The following PIEZO2 variants were observed in gnomAD, a reference collection of about 807,000 sequenced individuals.
PIEZO2 encodes the protein piezo type mechanosensitive ion channel component 2.
Under a neutral mutation model 337.3 loss-of-function variants are expected in PIEZO2, and 172 were observed. The observed-to-expected ratio is 0.51, with a 90% confidence interval of 0.45 to 0.58. PIEZO2 has a LOEUF of 0.58. Ranked by LOEUF, PIEZO2 falls within the 20% of genes least tolerant of loss-of-function variation. The pLI, the probability that PIEZO2 is intolerant of heterozygous loss-of-function variation, is 0.00. For missense variants in PIEZO2, 3,028 were observed against 3,391.3 expected, an observed-to-expected ratio of 0.89 and a Z score of 2.66; for synonymous variants, 1,251 against 1,228.5, an observed-to-expected ratio of 1.02 and a Z score of -0.38.
intron 4 of PIEZO2, among the ~76,000 whole-genome samples, chr18:10,884,158 A>G (rs938064023): frequency 1.3e-5 from 2 of 152,100 alleles, no homozygotes; most frequent in Admixed American, 6.6e-5. Flanking sequence ...AATCGTGATG[A>G]TGTGATATTT....
chr18:10,817,131 T>C (rs1257102852), intron 7 of PIEZO2, among the ~76,000 whole-genome samples: 1 of 152,172 alleles, frequency 6.6e-6, no homozygotes, highest in African/African-American at 2.4e-5. Flanking sequence ...AAGCATTGAG[T>C]TAAAGTCAGT....
intron 2 of PIEZO2, among the ~76,000 whole-genome samples, chr18:11,037,660 C>G (rs1355780392): frequency 6.6e-6 from 1 of 152,166 alleles, no homozygotes; most frequent in Non-Finnish European, 1.5e-5. Context: ...AGCACTCTCC[C>G]TGTTTCCAGC....
chr18:10,715,696 G>A lies in PIEZO2; in HGVS notation c.5210C>T (p.Thr1737Ile), dbSNP rs1445599440. 3 of 1,536,816 alleles carry A rather than the reference G, an allele frequency of 2.0e-6. No individual in the cohort carries two copies. The highest frequency in any genetic ancestry group is 1.7e-6 in the Non-Finnish European group (2 of 1,146,684). The change falls in exon 38 of 56, where the codon ACA becomes ATA. Residue 1737 changes from threonine (T) to isoleucine (I), a missense_variant. Transcript: ENST00000674853. ...CATGCATCGTTCAATTCTCAGAACT[G>A]TAGATATATCAATATGCTCCCTTGA... ...SISREHIDIS[T>I]VLRIERCMLT... is the part of the protein sequence containing the mutation.
intron 4 of PIEZO2, among the ~76,000 whole-genome samples, chr18:10,880,972 G>A (rs577411775): frequency 6.8e-6 from 1 of 146,652 alleles, no homozygotes; most frequent in Admixed American, 6.9e-5. Flanking sequence ...TGTGTGGCAA[G>A]ACTAATATAT....
At chr18:10,687,323 T>C (rs955148768) in intron 49 of PIEZO2, among the ~76,000 whole-genome samples, 2 of 152,042 alleles carry the variant, frequency 1.3e-5, no homozygotes, top group African/African-American at 4.8e-5. Flanking sequence ...CAGTGTGTGT[T>C]GTTCCACCCC....
At chr18:10,883,530 T>TATATACA (rs2042484021) in intron 4 of PIEZO2, among the ~76,000 whole-genome samples, 1 of 152,218 alleles carries the variant, frequency 6.6e-6, no homozygotes, top group African/African-American at 2.4e-5. Flanking sequence ...TAACTATACA[T>TATATACA]TAGAGAAATA....
intron 7 of PIEZO2, among the ~76,000 whole-genome samples, chr18:10,848,909 C>T (rs564260783): frequency 6.6e-6 from 1 of 152,294 alleles, no homozygotes; most frequent in African/African-American, 2.4e-5. Flanking sequence ...ACTCTAAGTA[C>T]TTCAGAACTT....
At chr18:11,072,885 A>G (rs1235186570) in intron 1 of PIEZO2, among the ~76,000 whole-genome samples, 1 of 152,232 alleles carries the variant, frequency 6.6e-6, no homozygotes, top group African/African-American at 2.4e-5. Flanking sequence ...TCCCCCAGGC[A>G]ACAACTGCTT....
At position 10,952,947 on chromosome 18, in the gene PIEZO2, A is replaced by G. The variant is rs956801262; in HGVS notation, c.286+26588T>C. The stretch of plus-strand genomic sequence containing the variant: ...CCTTCTTTTTTTCATTCTAAGAAGT[A>G]TATAGTAGTCATCTCCGGTTTTTAA... On this transcript the variant is annotated intron_variant, in intron 3 of 55. Coordinates refer to ENST00000674853, the MANE Select transcript of PIEZO2 (RefSeq NM_001378183.1). The surrounding 1 kb of genome is among the most constrained non-coding windows in gnomAD (Gnocchi z 4.1). Among the ~76,000 whole-genome samples, 3 of 150,268 alleles carry G rather than the reference A, an allele frequency of 2.0e-5. No individual in the cohort carries two copies. The highest frequency in any genetic ancestry group is 6.7e-5 in the Admixed American group (1 of 15,014).
At chr18:10,974,680 C>T (rs926406210) in intron 3 of PIEZO2, among the ~76,000 whole-genome samples, 4 of 152,208 alleles carry the variant, frequency 2.6e-5, no homozygotes, top group Non-Finnish European at 4.4e-5. Flanking sequence ...TGGTTTCATG[C>T]AACTCATTTG....
In PIEZO2 at chr18:10,787,447, C is replaced by T. The variant is rs531041020; in HGVS notation, c.2170-263G>A. On this transcript the variant is annotated intron_variant, in intron 15 of 55. Transcript: ENST00000674853. ...AAGTGCCTATTTTGCAGGGTTGCTACGAGGATGAAATAGATATTGCTTATG... is the reference window on the plus strand; with the variant it reads ...AAGTGCCTATTTTGCAGGGTTGCTATGAGGATGAAATAGATATTGCTTATG... Among the ~76,000 whole-genome samples the T allele has an allele frequency of 4.7e-4, 72 of 152,190 alleles. 1 individual carries two copies. Among genetic ancestry groups the T allele is most frequent in the African/African-American group, 1.5e-3 (62 of 41,526 alleles).
At chr18:10,845,907 C>G (rs35004375) in intron 7 of PIEZO2, among the ~76,000 whole-genome samples, 15,176 of 152,174 alleles carry the variant, frequency 0.1, 969 homozygotes, top group Admixed American at 0.18. Context: ...GCAAACACCA[C>G]GTTAAGAACC....
intron 7 of PIEZO2, among the ~76,000 whole-genome samples, chr18:10,814,624 C>T (rs1030205002): frequency 1.3e-5 from 2 of 152,190 alleles, no homozygotes; most frequent in Non-Finnish European, 1.5e-5. Context: ...TGAGCTCTGT[C>T]AAGGTGGAAG....
In PIEZO2 at chr18:10,671,122, G is replaced by T. The variant is rs1218048604; in HGVS notation, c.*405C>A. 1.3e-5 allele frequency: 2 copies of T among 158,420 alleles called. No individual in the cohort carries two copies. Among genetic ancestry groups the T allele is most frequent in the Non-Finnish European group, 2.8e-5 (2 of 72,040 alleles). 9.8% of individuals were successfully genotyped at this position (158,420 alleles called of 1,614,324 possible). ...TCATCACAGCAGCTTCCCCAGTGGG[G>T]ATGGAGCGCTGTATATTGCATTGTA... is the stretch of plus-strand genomic sequence containing the variant. On this transcript the variant is annotated 3_prime_UTR_variant, in exon 56 of 56. Coordinates refer to ENST00000674853, the MANE Select transcript of PIEZO2 (RefSeq NM_001378183.1).
Position 10,704,528 on chromosome 18 carries a change from C to T in PIEZO2, c.6124G>A (p.Val2042Met), listed in dbSNP as rs1015502830. ...GAGACCATGTGGTTGAGGATGATCA[C>T]GAAGTAGCACACCATCTCCGAGCGG... ...VARSEMVCYF[V>M]IILNHMVSAS... Residue 2042 changes from valine to methionine, a missense_variant, in exon 42 of 56, where the codon GTG (valine) becomes ATG (methionine). Coordinates refer to ENST00000674853, the MANE Select transcript of PIEZO2 (RefSeq NM_001378183.1). 9.8e-6 allele frequency: 15 copies of T among 1,537,076 alleles called. No individual in the cohort carries two copies. The highest frequency in any genetic ancestry group is 1.4e-5 in the African/African-American group (1 of 73,016).
rs376442935 is a variant in PIEZO2 at position 10,727,020 on chromosome 18, C to T, written c.5029+4387G>A. 28 of 788,142 alleles carry T rather than the reference C, an allele frequency of 3.6e-5. No homozygotes were observed. Among genetic ancestry groups the T allele is most frequent in the East Asian group, 3.2e-4 (11 of 34,108 alleles). The allele number at this position is 788,142 out of a possible 1,614,324, so 48.8% of individuals were successfully genotyped here. The stretch of plus-strand genomic sequence containing the variant: ...AGAACATGAAGCTGTTTGCTCTGTG[C>T]TTCCACGGTCTGGGTGTTTCTTGGG... On this transcript the variant is annotated intron_variant, in intron 36 of 55. Coordinates refer to ENST00000674853, the MANE Select transcript of PIEZO2 (RefSeq NM_001378183.1). The surrounding 1 kb of genome is among the most constrained non-coding windows in gnomAD (Gnocchi z 6.3).
Position 11,027,001 on chromosome 18 carries a change from T to C in PIEZO2, c.160+39126A>G, listed in dbSNP as rs946124281. ...CTCGTCTCCAAGCTCTGCACAGCAC[T>C]TATGTGTATGAGACAAGACTCTGCC... On this transcript the variant is annotated intron_variant, in intron 2 of 55. Transcript: ENST00000674853. This position sits in a 1 kb window ranked among gnomAD's most constrained non-coding sequence, Gnocchi z 4.2. Among the ~76,000 whole-genome samples the C allele has an allele frequency of 6.6e-6, 1 of 152,212 alleles. No individual in the cohort carries two copies. The highest frequency in any genetic ancestry group is 6.5e-5 in the Admixed American group (1 of 15,284).
intron 4 of PIEZO2, among the ~76,000 whole-genome samples, chr18:10,882,103 C>T (rs922669372): frequency 7.9e-5 from 12 of 152,266 alleles, no homozygotes; most frequent in Non-Finnish European, 1.6e-4. Flanking sequence ...TATTTAGGTA[C>T]GGACAAGGTC....
intron 3 of PIEZO2, among the ~76,000 whole-genome samples, chr18:10,968,757 CT>C (rs758795105): frequency 9.9e-5 from 15 of 152,110 alleles, no homozygotes; most frequent in African/African-American, 1.7e-4. Flanking sequence ...CATTATAATA[CT>C]TTTACATTAA....
Sources: allele counts gnomAD v4.1 joint callset (sites outside exome capture counted in the v4.1 genomes callset), GRCh38; gene constraint gnomAD v4.1.1; non-coding constraint Gnocchi (gnomAD v3.1); transcripts MANE v1.5; gene names NCBI Gene and HGNC (gene_info 2026-07-23, HGNC 2026-07-21).